Variants in HDAC9 observed in about 807,000 individuals in gnomAD.
HDAC9 encodes the protein histone deacetylase 9, also known as MEF-2 interacting transcription repressor (MITR) protein.
HDAC9 carries 41 observed loss-of-function variants against 139.4 expected under a neutral mutation model. That is an observed-to-expected ratio of 0.29 (90% CI 0.23 to 0.38). The LOEUF (loss-of-function observed/expected upper bound fraction) is 0.38, where lower values mean the gene tolerates loss of function less well. Ranked by LOEUF, HDAC9 falls within the 10% of genes least tolerant of loss-of-function variation. HDAC9 has a pLI of 1.00. For synonymous variants in HDAC9, 517 were observed against 476.2 expected (o/e 1.09, Z -1.12); for missense variants, 1,147 against 1,297.0 (o/e 0.88, Z 1.78).
intron 11 of HDAC9, among the ~76,000 whole-genome samples, chr7:18,658,368 A>T (rs1791968832): frequency 6.6e-6 from 1 of 152,202 alleles, no homozygotes; most frequent in Admixed American, 6.6e-5. Flanking sequence ...AGAAGGGAAC[A>T]CTTATTGAAG....
rs565343018 is a variant in HDAC9, at chr7:18,335,424, A to G, written c.-42+44909A>G. ...GGTTCCTTTTTGATTGCTCATTGCC[A>G]TGTTCCAAGGTTTCATCAGGCCCAC... On this transcript the variant is annotated intron_variant, in intron 1 of 3. Coordinates refer to the HDAC9 transcript ENST00000413509. 4.6e-5 allele frequency among the ~76,000 whole-genome samples: 7 copies of G among 151,560 alleles called. No homozygotes were observed. The South Asian group carries it at 1.2e-3, about 27-fold the overall frequency.
At chr7:18,466,612 C>T (rs570689936) in intron 1 of HDAC9, among the ~76,000 whole-genome samples, 2 of 152,230 alleles carry the variant, frequency 1.3e-5, no homozygotes, top group African/African-American at 4.8e-5. Flanking sequence ...CTGACTTCCT[C>T]TCCTACTTTT....
At chr7:18,210,492 T>C (rs779995452) in intron 2 of HDAC9, among the ~76,000 whole-genome samples, 7 of 152,210 alleles carry the variant, frequency 4.6e-5, no homozygotes, top group Non-Finnish European at 7.4e-5. Context: ...ACTAAAGATA[T>C]GTCGAGAAGA....
intron 1 of HDAC9, among the ~76,000 whole-genome samples, chr7:18,336,119 A>G (rs955768344): frequency 1.3e-5 from 2 of 151,762 alleles, no homozygotes; most frequent in African/African-American, 4.8e-5. Context: ...CTTGCTAGAT[A>G]TCAGGTCTTG....
chr7:18,339,937 A>T (rs1175359384), intron 1 of HDAC9, among the ~76,000 whole-genome samples: 1 of 151,504 alleles, frequency 6.6e-6, no homozygotes, highest in Non-Finnish European at 1.5e-5. Context: ...AGTCTTGCAT[A>T]TTCTTACTGA....
At chr7:18,751,725 A>G (rs1344843255) in intron 14 of HDAC9, among the ~76,000 whole-genome samples, 3 of 152,134 alleles carry the variant, frequency 2.0e-5, no homozygotes, top group Non-Finnish European at 4.4e-5. Flanking sequence ...TAAATTTTAG[A>G]AAGTATTAAC....
chr7:18,791,839 T>C (rs1792342538), intron 16 of HDAC9, among the ~76,000 whole-genome samples: 1 of 152,186 alleles, frequency 6.6e-6, no homozygotes, highest in Non-Finnish European at 1.5e-5. Context: ...AGCTAGCTTT[T>C]GTTTACCACT....
intron 22 of HDAC9, among the ~76,000 whole-genome samples, chr7:18,889,760 C>T (rs1402767551): frequency 6.6e-6 from 1 of 152,164 alleles, no homozygotes; most frequent in Non-Finnish European, 1.5e-5. Flanking sequence ...TGCAGTGGTG[C>T]AATTATGGTT....
chr7:18,744,012 G>GGTTTTTTTTTT (rs1787701197), intron 13 of HDAC9, among the ~76,000 whole-genome samples: 11 of 110,440 alleles, frequency 1.0e-4, no homozygotes, highest in African/African-American at 3.8e-4. Flanking sequence ...TTTACTACTA[G>GGTTTTTTTTTT]TTTTTTTTTT....
chr7:18,760,254 T>G (rs1056330450), intron 14 of HDAC9, among the ~76,000 whole-genome samples: 2 of 152,178 alleles, frequency 1.3e-5, no homozygotes, highest in African/African-American at 2.4e-5. Context: ...GACTTACCAT[T>G]ATTTATCTTG....
At position 18,748,963 on chromosome 7, in the gene HDAC9, T is replaced by C. The variant is rs767332453; in HGVS notation, c.1910-42T>C. The C allele has an allele frequency of 2.0e-5, 32 of 1,585,986 alleles. No individual in the cohort carries two copies. In the Middle Eastern group the frequency reaches 5.0e-4, roughly 25 times the overall value. ...TCTCCTAACATGTGTCATTATCTTGTACTGTTACTCAATCTTGTCCTGTAT... is the reference window on the plus strand; with the variant it reads ...TCTCCTAACATGTGTCATTATCTTGCACTGTTACTCAATCTTGTCCTGTAT... On this transcript the variant is annotated intron_variant, in intron 13 of 25. Coordinates refer to ENST00000686413, the MANE Select transcript of HDAC9 (RefSeq NM_178425.4).
chr7:18,110,673 G>C (rs1176109450), intron 1 of HDAC9, among the ~76,000 whole-genome samples: 1 of 152,170 alleles, frequency 6.6e-6, no homozygotes, highest in Non-Finnish European at 1.5e-5. Flanking sequence ...TAGATTATTA[G>C]ACAGAGATGG....
At chr7:18,872,746 A>G (rs1799025493) in intron 21 of HDAC9, among the ~76,000 whole-genome samples, 1 of 152,086 alleles carries the variant, frequency 6.6e-6, no homozygotes, top group African/African-American at 2.4e-5. Flanking sequence ...TTTAATATCC[A>G]TGGGTAGAGA....
intron 22 of HDAC9, among the ~76,000 whole-genome samples, chr7:18,875,940 A>C (rs889573752): frequency 3.3e-5 from 5 of 152,142 alleles, no homozygotes; most frequent in African/African-American, 1.2e-4. Flanking sequence ...AACTCTGGAA[A>C]AGTTGTTCCT....
intron 1 of HDAC9, among the ~76,000 whole-genome samples, chr7:18,353,484 C>A (rs987177529): frequency 2.4e-4 from 36 of 152,134 alleles, no homozygotes; most frequent in African/African-American, 8.2e-4. Context: ...AAATGACTTT[C>A]TTCCCTCCCT....
intron 2 of HDAC9, among the ~76,000 whole-genome samples, chr7:18,545,609 T>C (rs565342539): frequency 6.6e-6 from 1 of 152,302 alleles, no homozygotes; most frequent in Non-Finnish European, 1.5e-5. Context: ...TCCTTGGGAA[T>C]AGGCATTGTG....
rs543753269 is a variant in HDAC9, at chr7:18,997,043, T to TC, written c.*983dup. 48 of 152,334 alleles carry TC rather than the reference T, an allele frequency of 3.2e-4. No homozygotes were observed. The highest frequency in any genetic ancestry group is 1.1e-3 in the African/African-American group (45 of 41,578). 9.4% of individuals were successfully genotyped at this position (152,334 alleles called of 1,614,324 possible). On this transcript the variant is annotated 3_prime_UTR_variant, in exon 26 of 26. Coordinates refer to ENST00000686413, the MANE Select transcript of HDAC9 (RefSeq NM_178425.4). ...TTCTTACCTTTCATCATTCATTCCTTCCTTTAGAAAAACTGAAGATTACCC... is the reference window on the plus strand; with the variant it reads ...TTCTTACCTTTCATCATTCATTCCTTCCCTTTAGAAAAACTGAAGATTACCC...
intron 2 of HDAC9, among the ~76,000 whole-genome samples, chr7:18,527,832 A>T (rs549092571): frequency 3.7e-4 from 56 of 152,254 alleles, no homozygotes; most frequent in Admixed American, 8.5e-4. Context: ...TTTAAAGTTC[A>T]TGGAAACTAT....
At chr7:18,660,903 G>A (rs1782919628) in intron 11 of HDAC9, among the ~76,000 whole-genome samples, 1 of 152,116 alleles carries the variant, frequency 6.6e-6, no homozygotes. Flanking sequence ...ATGGACCATG[G>A]TAGGAGGTTT....
Sources: gnomAD v4.1 joint callset for allele counts (sites outside exome capture counted in the v4.1 genomes callset) on GRCh38, gnomAD v4.1.1 for gene constraint, MANE v1.5 for transcripts, NCBI Gene and HGNC (gene_info 2026-07-23, HGNC 2026-07-21) for gene names.